The following EXOC6B variants were observed in gnomAD, a reference collection of about 807,000 sequenced individuals.
EXOC6B encodes SEC15 homolog B.
Under a neutral mutation model 113.5 loss-of-function variants are expected in EXOC6B, and 54 were observed. The ratio of observed to expected loss-of-function variants is 0.48; its 90% CI spans 0.38 to 0.60. EXOC6B has a LOEUF of 0.60. EXOC6B is among the 20% of genes least tolerant of loss of function. The pLI is 0.00. For missense variants in EXOC6B, 797 were observed against 977.5 expected (o/e 0.82, Z 2.46); for synonymous variants, 357 against 339.0 (o/e 1.05, Z -0.58).
chr2:72,469,744 A>C (rs985767452), intron 17 of EXOC6B, among the ~76,000 whole-genome samples: 2 of 152,032 alleles, frequency 1.3e-5, no homozygotes, highest in African/African-American at 4.8e-5. Context: ...ACATTCTATA[A>C]ATGTCCATTA....
At chr2:72,362,786 T>A (rs998271265) in intron 19 of EXOC6B, among the ~76,000 whole-genome samples, 1 of 152,146 alleles carries the variant, frequency 6.6e-6, no homozygotes, top group Non-Finnish European at 1.5e-5. Flanking sequence ...CTATTTAAAA[T>A]CCATGATTTC....
In EXOC6B at chr2:72,313,705, A is replaced by G. The variant is rs997171159; in HGVS notation, c.2196+21242T>C. ...CAGAATAAAGAAATCTCTGAAACCT[A>G]TGCTGTCCAGCATATTATGGGACAC... On this transcript the variant is annotated intron_variant, in intron 20 of 21. Transcript: ENST00000272427. Among the ~76,000 whole-genome samples the G allele has an allele frequency of 2.5e-4, 38 of 152,190 alleles. 1 individual carries two copies. The highest frequency in any genetic ancestry group is 2.0e-4 in the Admixed American group (3 of 15,286).
intron 19 of EXOC6B, among the ~76,000 whole-genome samples, chr2:72,373,392 G>A (rs569204133): frequency 6.6e-6 from 1 of 152,054 alleles, no homozygotes; most frequent in South Asian, 2.1e-4. Flanking sequence ...CATAAGCACA[G>A]GCAACCAAAA....
intron 1 of EXOC6B, among the ~76,000 whole-genome samples, chr2:72,753,941 A>ATTTGTT (rs1439143930): frequency 6.6e-6 from 1 of 151,940 alleles, no homozygotes; most frequent in South Asian, 2.1e-4. Flanking sequence ...AGTTTTTAGG[A>ATTTGTT]TTTGTTTTTG....
Position 72,480,598 on chromosome 2 carries a change from A to G in EXOC6B, c.1800+18T>C. On this transcript the variant is annotated intron_variant, in intron 17 of 21. Coordinates refer to ENST00000272427, the MANE Select transcript of EXOC6B (RefSeq NM_015189.3). ...TGTACACCAGAAGCAGTTCCACAGTACTGTAGGGCCCTCTCACCTTAAAAG... is the reference window on the plus strand; with the variant it reads ...TGTACACCAGAAGCAGTTCCACAGTGCTGTAGGGCCCTCTCACCTTAAAAG... 1 of 1,569,290 alleles carries G rather than the reference A, an allele frequency of 6.4e-7. No individual in the cohort carries two copies. Among genetic ancestry groups the G allele is most frequent in the Non-Finnish European group, 8.7e-7 (1 of 1,155,460 alleles).
intron 18 of EXOC6B, among the ~76,000 whole-genome samples, chr2:72,401,554 TATATATATATACATATATATATATATAC>T (rs1693225642): frequency 2.5e-5 from 1 of 39,260 alleles, no homozygotes; most frequent in Non-Finnish European, 3.8e-5. Context: ...TGTGTATATA[TATATATATATACATATATATATATATAC>T]ATATATATAT....
intron 6 of EXOC6B, among the ~76,000 whole-genome samples, chr2:72,698,857 T>A (rs557139328): frequency 6.6e-6 from 1 of 152,296 alleles, no homozygotes; most frequent in African/African-American, 2.4e-5. Context: ...CTGAGATGCT[T>A]ACAATTTTAT....
intron 6 of EXOC6B, among the ~76,000 whole-genome samples, chr2:72,612,477 T>A (rs773592100): frequency 9.9e-5 from 15 of 151,868 alleles, no homozygotes; most frequent in Non-Finnish European, 1.8e-4. Context: ...TTGCTAGAAG[T>A]GGCAGTGCGC....
intron 1 of EXOC6B, among the ~76,000 whole-genome samples, chr2:72,759,198 G>T (rs1226025006): frequency 6.6e-6 from 1 of 152,184 alleles, no homozygotes; most frequent in Non-Finnish European, 1.5e-5. Context: ...TCATACAGTT[G>T]CTGTGTGAAG....
At chr2:72,202,486 GA>G (rs1473714284) in intron 20 of EXOC6B, among the ~76,000 whole-genome samples, 1 of 152,112 alleles carries the variant, frequency 6.6e-6, no homozygotes, top group Admixed American at 6.5e-5. Flanking sequence ...GTGAGCCCAG[GA>G]CAGACAGGTA....
chr2:72,342,973 C>T (rs1689120837), intron 19 of EXOC6B, among the ~76,000 whole-genome samples: 1 of 152,064 alleles, frequency 6.6e-6, no homozygotes, highest in Non-Finnish European at 1.5e-5. Flanking sequence ...ATGAAAGCAA[C>T]TTAAGTGCTC....
intron 20 of EXOC6B, among the ~76,000 whole-genome samples, chr2:72,231,511 G>T (rs1040697780): frequency 5.9e-5 from 9 of 151,978 alleles, no homozygotes; most frequent in African/African-American, 2.2e-4. Flanking sequence ...TTATACATTT[G>T]AATACATACA....
intron 6 of EXOC6B, among the ~76,000 whole-genome samples, chr2:72,678,207 T>C (rs1000085231): frequency 1.3e-5 from 2 of 152,152 alleles, no homozygotes; most frequent in South Asian, 4.1e-4. Context: ...GCAAATGCAA[T>C]GTACCAACAG....
intron 1 of EXOC6B, among the ~76,000 whole-genome samples, chr2:72,744,564 C>T (rs1681569943): frequency 6.6e-6 from 1 of 152,152 alleles, no homozygotes; most frequent in African/African-American, 2.4e-5. Context: ...TTTACCTTGA[C>T]ACTTGGAGAA....
chr2:72,259,051 AG>A (rs1683538147), intron 20 of EXOC6B, among the ~76,000 whole-genome samples: 1 of 152,192 alleles, frequency 6.6e-6, no homozygotes, highest in South Asian at 2.1e-4. Context: ...TTTATTTTGA[AG>A]TAAAATTTAT....
At chr2:72,243,367 G>T (rs964427641) in intron 20 of EXOC6B, among the ~76,000 whole-genome samples, 1 of 152,138 alleles carries the variant, frequency 6.6e-6, no homozygotes, top group Non-Finnish European at 1.5e-5. Flanking sequence ...TGATAGACTG[G>T]ATTAAGAAAA....
rs559606470 is a variant in EXOC6B at position 72,817,186 on chromosome 2, T to C, written c.113+8612A>G. Among the ~76,000 whole-genome samples, 5 of 152,322 alleles carry C rather than the reference T, an allele frequency of 3.3e-5. No individual in the cohort carries two copies. The East Asian group carries it at 7.7e-4, about 23-fold the overall frequency. ...AACATGCACTCAGATCATAATGCTT[T>C]CATCATTAGAGTTACTATTCTTAAA... is the stretch of plus-strand genomic sequence containing the variant. On this transcript the variant is annotated intron_variant, in intron 1 of 21. Coordinates refer to ENST00000272427, the MANE Select transcript of EXOC6B (RefSeq NM_015189.3).
At chr2:72,200,519 T>C (rs1229370865) in intron 20 of EXOC6B, among the ~76,000 whole-genome samples, 1 of 152,142 alleles carries the variant, frequency 6.6e-6, no homozygotes, top group African/African-American at 2.4e-5. Flanking sequence ...GAAGCTATGG[T>C]ATAGAGAGTA....
Position 72,480,570 on chromosome 2 carries a change from CTG to C in EXOC6B, c.1800+44_1800+45del, listed in dbSNP as rs751800600. 2.2e-5 allele frequency: 33 copies of C among 1,514,232 alleles called. 1 individual carries two copies. In the South Asian group the frequency reaches 4.3e-4, roughly 20 times the overall value. 93.8% of individuals were successfully genotyped at this position (1,514,232 alleles called of 1,614,324 possible). ...GCCATGTTAGGTAGAACGTCCCAGA[CTG>C]TGTACACCAGAAGCAGTTCCACAGT... On this transcript the variant is annotated intron_variant, in intron 17 of 21. Transcript: ENST00000272427.
Sources: gnomAD v4.1 joint callset for allele counts (sites outside exome capture counted in the v4.1 genomes callset) on GRCh38, gnomAD v4.1.1 for gene constraint, MANE v1.5 for transcripts, NCBI Gene and HGNC (gene_info 2026-07-23, HGNC 2026-07-21) for gene names.